The following MUSK variants were observed in gnomAD, a reference collection of about 807,000 sequenced individuals.
MUSK encodes the protein muscle associated receptor tyrosine kinase, also known as muscle, skeletal receptor tyrosine-protein kinase.
A neutral mutation model predicts 88.7 loss-of-function variants in MUSK; 55 were observed. The observed-to-expected ratio is 0.62, with a 90% CI of 0.50 to 0.78. The LOEUF (loss-of-function observed/expected upper bound fraction) is 0.78. Among genes scored for constraint, MUSK ranks in the 30% least tolerant of loss-of-function variants. The pLI is 0.00. For missense variants in MUSK, 1,015 were observed against 1,074.3 expected, an observed-to-expected ratio of 0.94 and a Z score of 0.77; for synonymous variants, 387 against 391.9, an observed-to-expected ratio of 0.99 and a Z score of 0.15.
chr9:110,791,372 C>T (rs1357587506), intron 14 of MUSK, among the ~76,000 whole-genome samples: 1 of 105,390 alleles, frequency 9.5e-6, no homozygotes, highest in Non-Finnish European at 2.0e-5. Flanking sequence ...AAAATCGGGT[C>T]ACTCCCACCC....
At position 110,800,898 on chromosome 9, in the gene MUSK, C is replaced by T. The variant is rs768074747; in HGVS notation, c.2520C>T (p.Ser840=). 5 of 1,557,240 alleles carry T rather than the reference C, an allele frequency of 3.2e-6. No individual in the cohort carries two copies. Among genetic ancestry groups the T allele is most frequent in the Non-Finnish European group, 4.3e-6 (5 of 1,151,802 alleles). The change falls in exon 15 of 15, where the codon AGC becomes AGT. Residue 840 remains serine, a synonymous_variant. Coordinates refer to ENST00000374448, the MANE Select transcript of MUSK (RefSeq NM_005592.4). ...ACAATCTCATGCGTCTATGTTGGAG[C>T]AAGCTGCCTGCAGACAGACCCAGTT... ...ELYNLMRLCW[S]KLPADRPSFT...
intron 14 of MUSK, 25 bp downstream of exon 14, chr9:110,787,863 G>A: frequency 4.4e-6 from 7 of 1,596,904 alleles, no homozygotes; most frequent in Non-Finnish European, 6.0e-6. Context: ...GTGAGGATAT[G>A]TATTTCATCA....
At position 110,784,731 on chromosome 9, in the gene MUSK, A is replaced by T. The variant is rs572223; in HGVS notation, c.1385-84A>T. ...ATACATAAATATATTATTATCATGAAATTTATTTTACTGATTGCTTAAATA... is the reference window on the plus strand; with the variant it reads ...ATACATAAATATATTATTATCATGATATTTATTTTACTGATTGCTTAAATA... On this transcript the variant is annotated intron_variant, in intron 11 of 14. Coordinates refer to ENST00000374448, the MANE Select transcript of MUSK (RefSeq NM_005592.4). The T allele has an allele frequency of 2.4e-5, 26 of 1,065,952 alleles. No homozygotes were observed. The South Asian group carries it at 4.0e-4, about 16-fold the overall frequency. The allele number at this position is 1,065,952 out of a possible 1,614,324, so 66.0% of individuals were successfully genotyped here.
At chr9:110,728,392 A>T (rs993978225) in intron 5 of MUSK, 3 of 354,906 alleles carry the variant, frequency 8.5e-6, no homozygotes, top group East Asian at 1.2e-4. Flanking sequence ...CAACATTAGA[A>T]TAAAAATTCA....
At position 110,804,058 on chromosome 9, in the gene MUSK, T is replaced by C. The variant is rs1420987397; in HGVS notation, c.*3070T>C. Among the ~76,000 whole-genome samples, 1 of 152,192 alleles carries C rather than the reference T, an allele frequency of 6.6e-6. No homozygotes were observed. Among genetic ancestry groups the C allele is most frequent in the African/African-American group, 2.4e-5 (1 of 41,448 alleles). ...TAGAGCAGAAAAAGAACACTTTCTT[T>C]TCATTTTACAGTATATTACGAACCT... On this transcript the variant is annotated 3_prime_UTR_variant, in exon 15 of 15. Transcript: ENST00000374448.
intron 14 of MUSK, among the ~76,000 whole-genome samples, chr9:110,791,156 G>A (rs1286545517): frequency 6.6e-6 from 1 of 151,804 alleles, no homozygotes; most frequent in African/African-American, 2.4e-5. Flanking sequence ...CCCAGCGTGA[G>A]CGACGCAGAA....
At chr9:110,683,028 T>C (rs1431216714) in intron 2 of MUSK, among the ~76,000 whole-genome samples, 1 of 152,114 alleles carries the variant, frequency 6.6e-6, no homozygotes, top group Admixed American at 6.6e-5. Flanking sequence ...TAAGTTATTG[T>C]TGACTATAGT....
intron 8 of MUSK, among the ~76,000 whole-genome samples, chr9:110,764,944 C>T (rs944856948): frequency 3.3e-5 from 5 of 151,914 alleles, no homozygotes; most frequent in African/African-American, 1.2e-4. Flanking sequence ...ATACTTAATG[C>T]TGTAAAACTA....
chr9:110,696,118 A>G (rs764282094), intron 4 of MUSK, among the ~76,000 whole-genome samples: 2 of 152,100 alleles, frequency 1.3e-5, no homozygotes, highest in Non-Finnish European at 2.9e-5. Flanking sequence ...CTCTACTAAA[A>G]ATACAAAAAT....
At chr9:110,715,568 C>A (rs1050148673) in intron 5 of MUSK, among the ~76,000 whole-genome samples, 1 of 148,730 alleles carries the variant, frequency 6.7e-6, no homozygotes, top group Non-Finnish European at 1.5e-5. Flanking sequence ...CAGAGATTTT[C>A]TCAAGATATT....
At chr9:110,713,206 A>G (rs1418262799) in intron 5 of MUSK, among the ~76,000 whole-genome samples, 1 of 151,776 alleles carries the variant, frequency 6.6e-6, no homozygotes, top group Admixed American at 6.6e-5. Context: ...CCATGATTTG[A>G]CTCACAGGCT....
intron 5 of MUSK, among the ~76,000 whole-genome samples, chr9:110,719,322 G>A (rs567985382): frequency 6.6e-6 from 1 of 152,144 alleles, no homozygotes; most frequent in Non-Finnish European, 1.5e-5. Context: ...CACCAACCAA[G>A]TTTCTACTGT....
chr9:110,757,296 T>C (rs900468256), intron 7 of MUSK, among the ~76,000 whole-genome samples: 2 of 151,824 alleles, frequency 1.3e-5, no homozygotes, highest in African/African-American at 4.8e-5. Flanking sequence ...CCATCTCTAC[T>C]AAAAATACAA....
chr9:110,789,010 G>T (rs951453129), intron 14 of MUSK, among the ~76,000 whole-genome samples: 73 of 152,306 alleles, frequency 4.8e-4, no homozygotes, highest in African/African-American at 1.7e-3. Flanking sequence ...TCAAAGATGA[G>T]ATCAGAGAGG....
intron 5 of MUSK, among the ~76,000 whole-genome samples, chr9:110,733,643 A>C (rs1246497547): frequency 6.6e-6 from 1 of 151,818 alleles, no homozygotes; most frequent in Non-Finnish European, 1.5e-5. Context: ...ACTATGATAC[A>C]GTTGAGGGTG....
intron 3 of MUSK, among the ~76,000 whole-genome samples, chr9:110,693,295 T>G (rs2076382423): frequency 6.6e-6 from 1 of 152,164 alleles, no homozygotes; most frequent in Non-Finnish European, 1.5e-5. Context: ...AACCTCTCCT[T>G]TGGAGATCTC....
chr9:110,760,577 G>C (rs998806506), intron 7 of MUSK, among the ~76,000 whole-genome samples: 4 of 151,796 alleles, frequency 2.6e-5, no homozygotes, highest in Non-Finnish European at 1.5e-5. Context: ...GAGGGTTGGA[G>C]AAAGGAGAGG....
intron 3 of MUSK, among the ~76,000 whole-genome samples, chr9:110,694,296 C>G (rs2076398647): frequency 7.2e-6 from 1 of 139,178 alleles, no homozygotes; most frequent in Admixed American, 7.8e-5. Flanking sequence ...TGAGGCAGGA[C>G]AATGGCATGA....
chr9:110,778,626 GAGAA>G (rs1428571612), intron 11 of MUSK, among the ~76,000 whole-genome samples: 3 of 151,908 alleles, frequency 2.0e-5, no homozygotes, highest in Non-Finnish European at 4.4e-5. Context: ...AACCCAACAT[GAGAA>G]AGAGAGATTA....
Sources: gnomAD v4.1 joint callset for allele counts (sites outside exome capture counted in the v4.1 genomes callset) on GRCh38, gnomAD v4.1.1 for gene constraint, MANE v1.5 for transcripts, NCBI Gene and HGNC (gene_info 2026-07-23, HGNC 2026-07-21) for gene names.